Variants in KIF4A observed in about 807,000 individuals in gnomAD.
The protein encoded by KIF4A is chromosome-associated kinesin KIF4A.
A neutral mutation model predicts 105.9 loss-of-function variants in KIF4A; 7 were observed. The observed-to-expected ratio is 0.07, with a 90% CI of 0.04 to 0.12. The LOEUF (loss-of-function observed/expected upper bound fraction) is 0.12, where lower values mean the gene tolerates loss of function less well. Among genes scored for constraint, KIF4A ranks in the 10% least tolerant of loss-of-function variants. The pLI is 1.00. For missense variants in KIF4A, 558 were observed against 929.2 expected (o/e 0.60, Z 5.19); for synonymous variants, 281 against 331.3 (o/e 0.85, Z 1.65).
chrX:70,344,081 C>T, intron 13 of KIF4A, 99 bp downstream of exon 13: 1 of 615,029 alleles, frequency 1.6e-6, no homozygotes, highest in Admixed American at 3.1e-5. Context: ...GCTGAAACAA[C>T]TAGATTGTGA....
At chrX:70,418,050 C>G (rs1376094525) in intron 29 of KIF4A, 46 bp downstream of exon 29, 1 of 1,042,108 alleles carries the variant, frequency 9.6e-7, no homozygotes, top group Admixed American at 2.4e-5. Flanking sequence ...AGACCTTCCT[C>G]TAGTTTCCAC....
At chrX:70,312,870 G>C (rs965529780) in intron 7 of KIF4A, among the ~76,000 whole-genome samples, 6 of 111,900 alleles carry the variant, frequency 5.4e-5, no homozygotes, top group African/African-American at 1.9e-4. Flanking sequence ...AAGTTATTTA[G>C]AAGGTGCTTC....
chrX:70,332,032 C>T (rs2085932892), intron 9 of KIF4A, among the ~76,000 whole-genome samples: 1 of 111,917 alleles, frequency 8.9e-6, no homozygotes, highest in African/African-American at 3.2e-5. Context: ...ACCTGGGTTA[C>T]ACTGGAAAAG....
intron 28 of KIF4A, among the ~76,000 whole-genome samples, chrX:70,417,228 C>T (rs1440608608): frequency 1.8e-5 from 2 of 112,630 alleles, no homozygotes; most frequent in African/African-American, 6.4e-5. Flanking sequence ...TTCAGCCAGG[C>T]GCGGTGGCTC....
intron 15 of KIF4A, among the ~76,000 whole-genome samples, chrX:70,354,097 A>G (rs1439963277): frequency 4.4e-5 from 5 of 112,641 alleles, no homozygotes; most frequent in Non-Finnish European, 7.5e-5. Context: ...TCTAATAACT[A>G]TGCTTGGATT....
Position 70,294,476 on chromosome X carries a change from G to A in KIF4A, c.236-2522G>A, listed in dbSNP as rs1301113846. On this transcript the variant is annotated intron_variant, in intron 3 of 30. Transcript: ENST00000374403. Reference sequence around the variant, plus strand: ...TATGAAGCGTTACATACTGTACATAGTTGGATGTGCTGTACTTTTATATGA... The same window carrying A: ...TATGAAGCGTTACATACTGTACATAATTGGATGTGCTGTACTTTTATATGA... Among the ~76,000 whole-genome samples the A allele has an allele frequency of 2.7e-5, 3 of 112,538 alleles. No homozygotes were observed. The Admixed American group carries it at 2.8e-4, about 11-fold the overall frequency.
intron 3 of KIF4A, 92 bp downstream of exon 3, chrX:70,290,897 A>C: frequency 1.8e-6 from 1 of 563,200 alleles, no homozygotes. Flanking sequence ...CAAATACAGG[A>C]ATCGATGAAT....
At chrX:70,384,706 AG>A (rs2086210682) in intron 18 of KIF4A, among the ~76,000 whole-genome samples, 1 of 111,663 alleles carries the variant, frequency 9.0e-6, no homozygotes, top group Non-Finnish European at 1.9e-5. Flanking sequence ...CCTGGGCGAC[AG>A]AGGGAGACTC....
intron 7 of KIF4A, among the ~76,000 whole-genome samples, chrX:70,315,780 G>A (rs2085867096): frequency 8.9e-6 from 1 of 111,940 alleles, no homozygotes; most frequent in Admixed American, 9.5e-5. Context: ...AGGTAGAGAG[G>A]ACCCAACCCA....
At chrX:70,361,280 A>G (rs1433950077) in intron 15 of KIF4A, among the ~76,000 whole-genome samples, 1 of 113,545 alleles carries the variant, frequency 8.8e-6, no homozygotes, top group Non-Finnish European at 1.9e-5. Context: ...ATCTCATCTC[A>G]CAAGAGCTTT....
intron 18 of KIF4A, among the ~76,000 whole-genome samples, chrX:70,378,405 C>T (rs2086183330): frequency 9.0e-6 from 1 of 111,331 alleles, no homozygotes; most frequent in Non-Finnish European, 1.9e-5. Flanking sequence ...AAACCCAAAG[C>T]TAGTAGATGA....
intron 15 of KIF4A, among the ~76,000 whole-genome samples, chrX:70,359,805 G>A (rs1267869496): frequency 9.0e-6 from 1 of 111,647 alleles, no homozygotes; most frequent in Non-Finnish European, 1.9e-5. Context: ...AGGGAGGGTA[G>A]GACATGGCTT....
chrX:70,393,725 T>G lies in KIF4A; in HGVS notation c.2233-1946T>G, dbSNP rs1321342769. 3.6e-5 allele frequency among the ~76,000 whole-genome samples: 4 copies of G among 110,176 alleles called. No individual in the cohort carries two copies. The East Asian group carries it at 1.1e-3, about 31-fold the overall frequency. On this transcript the variant is annotated intron_variant, in intron 20 of 30. Coordinates refer to ENST00000374403, the MANE Select transcript of KIF4A (RefSeq NM_012310.5). ...TATTAATGTTAGTATGTTGTTTTTT[T>G]TTTTGTCATGGTGTATTTAATGTTA...
At chrX:70,319,505 A>G (rs1318494563) in intron 7 of KIF4A, among the ~76,000 whole-genome samples, 6 of 111,440 alleles carry the variant, frequency 5.4e-5, no homozygotes, top group African/African-American at 2.0e-4. Flanking sequence ...AAGCAGTGCC[A>G]TTTCTTTCAT....
chrX:70,372,846 C>T (rs889543580), intron 15 of KIF4A, among the ~76,000 whole-genome samples: 2 of 112,767 alleles, frequency 1.8e-5, no homozygotes, highest in Non-Finnish European at 3.8e-5. Flanking sequence ...TCCCAACAAC[C>T]CTGTGAGGTA....
At position 70,303,937 on chromosome X, in the gene KIF4A, T is replaced by TTTATTA. The variant is rs552101158; in HGVS notation, c.778+1553_778+1558dup. The stretch of plus-strand genomic sequence containing the variant: ...CTTTTTTTTTATTTTTTTATTTTAT[T>TTTATTA]TTATTATTATTATTATTATACTTTA... On this transcript the variant is annotated intron_variant, in intron 7 of 30. Coordinates refer to ENST00000374403, the MANE Select transcript of KIF4A (RefSeq NM_012310.5). Among the ~76,000 whole-genome samples the TTTATTA allele has an allele frequency of 3.4e-3, 355 of 104,134 alleles. 2 individuals carry two copies. The highest frequency in any genetic ancestry group is 0.012 in the African/African-American group (330 of 28,532). 90.4% of individuals were successfully genotyped at this position (104,134 alleles called of 115,157 possible). A position where few individuals can be genotyped will look rare whatever the true frequency, so the allele number is the denominator to read the frequency against.
intron 7 of KIF4A, among the ~76,000 whole-genome samples, chrX:70,311,967 A>G (rs921852588): frequency 9.4e-6 from 1 of 106,409 alleles, no homozygotes; most frequent in African/African-American, 3.4e-5. Context: ...AAAAAAAAAG[A>G]AAAAAAAATA....
chrX:70,342,767 A>C (rs2085977443), intron 11 of KIF4A, among the ~76,000 whole-genome samples: 1 of 112,114 alleles, frequency 8.9e-6, no homozygotes, highest in African/African-American at 3.2e-5. Context: ...TTTTATATAC[A>C]GTTTTCTGTC....
intron 15 of KIF4A, among the ~76,000 whole-genome samples, chrX:70,360,138 G>A (rs946643017): frequency 3.6e-5 from 4 of 111,816 alleles, no homozygotes; most frequent in East Asian, 5.7e-4. Context: ...CTGGGGCAGG[G>A]GAGGCCTGGG....
Sources: allele counts gnomAD v4.1 joint callset (sites outside exome capture counted in the v4.1 genomes callset), GRCh38; gene constraint gnomAD v4.1.1; transcripts MANE v1.5; gene names NCBI Gene and HGNC (gene_info 2026-07-23, HGNC 2026-07-21).